CDH23: variants seen among roughly 807,000 people sequenced by gnomAD.
CDH23 encodes the protein cadherin related 23.
A neutral mutation model predicts 317.1 loss-of-function variants in CDH23; 189 were observed. That is an observed-to-expected ratio of 0.60 (90% CI 0.53 to 0.67). The LOEUF (loss-of-function observed/expected upper bound fraction) is 0.67, where lower values mean the gene tolerates loss of function less well. CDH23 is among the 30% of genes least tolerant of loss of function. CDH23 has a pLI of 0.00. For missense variants in CDH23, 4,401 were observed against 4,592.4 expected (o/e 0.96, Z 1.20); for synonymous variants, 1,839 against 1,876.8 (o/e 0.98, Z 0.52).
intron 9 of CDH23, among the ~76,000 whole-genome samples, chr10:71,605,810 G>C (rs541474297): frequency 4.6e-5 from 7 of 152,312 alleles, no homozygotes; most frequent in African/African-American, 1.7e-4. Context: ...TTACTAAACA[G>C]CACTATGGTG....
intron 41 of CDH23, among the ~76,000 whole-genome samples, 191 bp downstream of exon 41, chr10:71,779,638 G>A (rs951048756): frequency 4.6e-5 from 7 of 152,220 alleles, no homozygotes; most frequent in African/African-American, 9.6e-5. Context: ...GAGATGTGGC[G>A]AGAACACCCT....
chr10:71,781,817 C>T (rs1317684020), intron 41 of CDH23, among the ~76,000 whole-genome samples: 2 of 152,188 alleles, frequency 1.3e-5, no homozygotes, highest in African/African-American at 2.4e-5. Context: ...TTTGGGGTCT[C>T]TGAGCGCCAC....
intron 1 of CDH23, among the ~76,000 whole-genome samples, chr10:71,432,822 G>T (rs1849459604): frequency 6.6e-6 from 1 of 152,160 alleles, no homozygotes; most frequent in African/African-American, 2.4e-5. Context: ...CCACGGCCCA[G>T]GATAAAAGGA....
chr10:71,707,438 C>T lies in CDH23; in HGVS notation c.3106+389C>T, dbSNP rs60679407. On this transcript the variant is annotated intron_variant, in intron 26 of 69. Transcript: ENST00000224721. Reference sequence around the variant, plus strand: ...TGTGGCCTCATCCTTCCTTGGGGACCTGTTGAGAATTCCCACCTGTTTAGA... The same window carrying T: ...TGTGGCCTCATCCTTCCTTGGGGACTTGTTGAGAATTCCCACCTGTTTAGA... The T allele has an allele frequency of 4.2e-3, 5,279 of 1,251,320 alleles. 197 individuals are homozygous for T. In the African/African-American group the frequency reaches 0.072, roughly 17 times the overall value. 77.5% of individuals were successfully genotyped at this position (1,251,320 alleles called of 1,614,324 possible). A position where few individuals can be genotyped will look rare whatever the true frequency, so the allele number is the denominator to read the frequency against.
intron 6 of CDH23, among the ~76,000 whole-genome samples, chr10:71,542,781 G>T (rs1046855407): frequency 2.6e-5 from 4 of 152,256 alleles, no homozygotes; most frequent in African/African-American, 9.6e-5. Context: ...AGCCAGCAGG[G>T]CCAGGCTCCA....
chr10:71,803,768 G>A (rs1301985754), intron 55 of CDH23, among the ~76,000 whole-genome samples: 1 of 136,950 alleles, frequency 7.3e-6, no homozygotes, highest in African/African-American at 2.8e-5. Context: ...TCAGGAGTTC[G>A]AGACCAGCCT....
intron 47 of CDH23, among the ~76,000 whole-genome samples, chr10:71,792,652 C>T (rs1348067897): frequency 1.3e-5 from 2 of 151,030 alleles, no homozygotes; most frequent in Non-Finnish European, 2.9e-5. Context: ...GAAACCCTTT[C>T]TCTACTAAAA....
chr10:71,707,773 T>C (rs1374360499), intron 26 of CDH23, among the ~76,000 whole-genome samples: 2 of 152,104 alleles, frequency 1.3e-5, no homozygotes, highest in East Asian at 3.9e-4. Context: ...ACTGGCTCAG[T>C]CTTCTCTCTG....
intron 3 of CDH23, among the ~76,000 whole-genome samples, chr10:71,474,053 G>T (rs374277126): frequency 1.1e-3 from 160 of 152,340 alleles, no homozygotes; most frequent in Admixed American, 1.8e-3. Context: ...CCTAGGAATG[G>T]CACTGCTCTC....
At chr10:71,517,770 A>T (rs1417830810) in intron 6 of CDH23, among the ~76,000 whole-genome samples, 1 of 152,196 alleles carries the variant, frequency 6.6e-6, no homozygotes, top group Non-Finnish European at 1.5e-5. Flanking sequence ...CCAATAAATC[A>T]TCGCAGGGGC....
At chr10:71,637,757 G>C (rs1862344503) in intron 11 of CDH23, among the ~76,000 whole-genome samples, 4 of 152,086 alleles carry the variant, frequency 2.6e-5, no homozygotes, top group Admixed American at 2.0e-4. Context: ...TTGGGCTGAG[G>C]GTGTCACACC....
At chr10:71,644,025 A>T (rs1862704615) in intron 12 of CDH23, among the ~76,000 whole-genome samples, 159 bp downstream of exon 12, 1 of 152,180 alleles carries the variant, frequency 6.6e-6, no homozygotes, top group Non-Finnish European at 1.5e-5. Flanking sequence ...GAAGGAGAGG[A>T]GTTGGTGTCA....
intron 28 of CDH23, chr10:71,713,211 G>A (rs753237116): frequency 2.1e-5 from 16 of 779,056 alleles, no homozygotes; most frequent in Non-Finnish European, 3.4e-5. Context: ...GCCCTTGGCC[G>A]AGGCTCCCCT....
At chr10:71,542,254 T>G (rs959543335) in intron 6 of CDH23, among the ~76,000 whole-genome samples, 5 of 152,170 alleles carry the variant, frequency 3.3e-5, no homozygotes, top group African/African-American at 1.2e-4. Flanking sequence ...TGGGGTTGGA[T>G]CCCAGCTCTG....
At chr10:71,781,823 G>A (rs897158038) in intron 41 of CDH23, among the ~76,000 whole-genome samples, 4 of 152,272 alleles carry the variant, frequency 2.6e-5, no homozygotes, top group South Asian at 2.1e-4. Flanking sequence ...GTCTCTGAGC[G>A]CCACCCGCAT....
intron 6 of CDH23, among the ~76,000 whole-genome samples, chr10:71,513,684 G>A (rs1854120052): frequency 6.6e-6 from 1 of 152,148 alleles, no homozygotes; most frequent in Admixed American, 6.5e-5. Context: ...CGTGGGAAGA[G>A]AGAAACTGGA....
At chr10:71,475,596 G>C (rs1012505467) in intron 3 of CDH23, among the ~76,000 whole-genome samples, 1 of 152,238 alleles carries the variant, frequency 6.6e-6, no homozygotes, top group African/African-American at 2.4e-5. Context: ...CTGTCATCCT[G>C]TATGCCCGCG....
At chr10:71,458,238 C>G (rs1850795879) in intron 3 of CDH23, among the ~76,000 whole-genome samples, 1 of 152,216 alleles carries the variant, frequency 6.6e-6, no homozygotes. Context: ...TTCTGTCAGC[C>G]CTTGACCAAG....
chr10:71,802,327 A>G (rs1564801427), intron 53 of CDH23, among the ~76,000 whole-genome samples: 1 of 152,200 alleles, frequency 6.6e-6, no homozygotes. Context: ...AAATGAAGTC[A>G]CTGCTGTCAA....
Sources: allele counts gnomAD v4.1 joint callset (sites outside exome capture counted in the v4.1 genomes callset), GRCh38; gene constraint gnomAD v4.1.1; transcripts MANE v1.5; gene names NCBI Gene and HGNC (gene_info 2026-07-23, HGNC 2026-07-21).